Variants in ARMH1 observed in about 807,000 individuals in gnomAD.
ARMH1 encodes armadillo like helical domain containing 1.
In ARMH1, 34 loss-of-function variants were observed where a neutral mutation model predicts 50.2. The ratio of observed to expected loss-of-function variants is 0.68; its 90% CI spans 0.51 to 0.90. ARMH1 has a LOEUF of 0.90. ARMH1 is among the 40% of genes least tolerant of loss of function. The pLI, the probability that ARMH1 is intolerant of heterozygous loss-of-function variation, is 0.00. For missense variants in ARMH1, 538 were observed against 553.9 expected (o/e 0.97, Z 0.29); for synonymous variants, 221 against 224.2 (o/e 0.99, Z 0.13).
chr1:44,699,011 G>A (rs769121046), intron 4 of ARMH1, among the ~76,000 whole-genome samples: 86 of 151,306 alleles, frequency 5.7e-4, no homozygotes, highest in African/African-American at 1.8e-3. Flanking sequence ...GGCCAGGCGC[G>A]GTGGCTCACG....
At chr1:44,698,302 A>G in intron 4 of ARMH1, 73 bp downstream of exon 4, 1 of 1,335,826 alleles carries the variant, frequency 7.5e-7, no homozygotes, top group Non-Finnish European at 1.0e-6. Context: ...CACCACTGCT[A>G]TAGGAAAAAC....
chr1:44,702,414 A>G (rs1646123558), intron 5 of ARMH1, among the ~76,000 whole-genome samples: 1 of 152,098 alleles, frequency 6.6e-6, no homozygotes, highest in South Asian at 2.1e-4. Context: ...CTGCCTCTTC[A>G]AAAAAGGGCA....
At chr1:44,676,944 A>G (rs1193691248) in intron 1 of ARMH1, among the ~76,000 whole-genome samples, 6 of 152,222 alleles carry the variant, frequency 3.9e-5, no homozygotes, top group African/African-American at 1.2e-4. Flanking sequence ...TGAAAAAAAG[A>G]CTTCACCAAA....
At chr1:44,721,772 G>C (rs115227519) in intron 6 of ARMH1, 10 of 152,090 alleles carry the variant, frequency 6.6e-5, no homozygotes, top group Middle Eastern at 3.2e-3. Context: ...TCTCTCTTTA[G>C]TAACAGAACA....
chr1:44,714,085 G>A (rs547081151), intron 6 of ARMH1, among the ~76,000 whole-genome samples: 3 of 151,984 alleles, frequency 2.0e-5, no homozygotes, highest in East Asian at 1.9e-4. Flanking sequence ...TGGCTAACAC[G>A]ATGAAACCCT....
At chr1:44,684,202 G>T (rs187366689) in intron 1 of ARMH1, among the ~76,000 whole-genome samples, 7 of 152,248 alleles carry the variant, frequency 4.6e-5, no homozygotes, top group Admixed American at 4.6e-4. Flanking sequence ...TCTTGAAATT[G>T]ACACATTTTG....
intron 6 of ARMH1, among the ~76,000 whole-genome samples, chr1:44,722,968 G>A (rs568808660): frequency 1.3e-5 from 2 of 149,916 alleles, no homozygotes; most frequent in South Asian, 2.1e-4. Context: ...CAGCCTACTC[G>A]GGAGGCTGAG....
At chr1:44,700,045 G>A (rs1645995868) in intron 4 of ARMH1, among the ~76,000 whole-genome samples, 1 of 151,932 alleles carries the variant, frequency 6.6e-6, no homozygotes, top group Non-Finnish European at 1.5e-5. Context: ...GGCCAGGCTG[G>A]TCTCGAACTC....
chr1:44,720,980 T>G (rs1176878708), intron 6 of ARMH1, among the ~76,000 whole-genome samples: 3 of 151,874 alleles, frequency 2.0e-5, no homozygotes, highest in African/African-American at 7.3e-5. Flanking sequence ...GAAGCTGCAG[T>G]GAGCCGAGAT....
chr1:44,720,339 A>G (rs1225800587), intron 6 of ARMH1, among the ~76,000 whole-genome samples: 1 of 152,100 alleles, frequency 6.6e-6, no homozygotes, highest in Non-Finnish European at 1.5e-5. Flanking sequence ...GCCACTGCAG[A>G]GCCTCCTCTG....
At chr1:44,698,251 A>G in intron 4 of ARMH1, 22 bp downstream of exon 4, 1 of 1,541,352 alleles carries the variant, frequency 6.5e-7, no homozygotes, top group Non-Finnish European at 8.8e-7. Flanking sequence ...GTGTGACAAG[A>G]TGTGTCTCCC....
chr1:44,696,372 A>G (rs1253299592), intron 2 of ARMH1, among the ~76,000 whole-genome samples: 1 of 152,194 alleles, frequency 6.6e-6, no homozygotes, highest in African/African-American at 2.4e-5. Flanking sequence ...GAGCTGCAGT[A>G]ATTTCAGCTA....
rs185679965 is a variant in ARMH1 at position 44,681,265 on chromosome 1, G to C, written c.-23+6392G>C. Among the ~76,000 whole-genome samples, 113 of 152,270 alleles carry C rather than the reference G, an allele frequency of 7.4e-4. No individual in the cohort carries two copies. The highest frequency in any genetic ancestry group is 2.7e-3 in the African/African-American group (111 of 41,560). ...CTGCCTCAGCCTCCCAAAGTGCTGG[G>C]ATTACAAGCGTGAGCCACTGCGCCC... On this transcript the variant is annotated intron_variant, in intron 1 of 11. Coordinates refer to ENST00000535358, the MANE Select transcript of ARMH1 (RefSeq NM_001145636.2). This position sits in a 1 kb window ranked among gnomAD's most constrained non-coding sequence, Gnocchi z 4.3.
At chr1:44,679,027 G>A (rs1299948082) in intron 1 of ARMH1, among the ~76,000 whole-genome samples, 2 of 152,064 alleles carry the variant, frequency 1.3e-5, no homozygotes, top group Non-Finnish European at 2.9e-5. Context: ...AAGATGGAGA[G>A]GAAATTAAAA....
rs1234313719 is a variant in ARMH1, at chr1:44,721,441, A to G, written c.725-2681A>G. Among the ~76,000 whole-genome samples, 5 of 152,228 alleles carry G rather than the reference A, an allele frequency of 3.3e-5. No individual in the cohort carries two copies. In the South Asian group the frequency reaches 8.3e-4, roughly 25 times the overall value. ...AAAGTCATCACTATAAATTGGAACT[A>G]GCACACTAGAAAGACTCACAAGACT... On this transcript the variant is annotated intron_variant, in intron 6 of 11. Coordinates refer to ENST00000535358, the MANE Select transcript of ARMH1 (RefSeq NM_001145636.2).
At position 44,682,930 on chromosome 1, in the gene ARMH1, G is replaced by A. The variant is rs752786824; in HGVS notation, c.-22-6746G>A. Among the ~76,000 whole-genome samples the A allele has an allele frequency of 1.3e-5, 2 of 152,046 alleles. No homozygotes were observed. The highest frequency in any genetic ancestry group is 6.5e-5 in the Admixed American group (1 of 15,270). On this transcript the variant is annotated intron_variant, in intron 1 of 11. Coordinates refer to ENST00000535358, the MANE Select transcript of ARMH1 (RefSeq NM_001145636.2). The surrounding 1 kb of genome is among the most constrained non-coding windows in gnomAD (Gnocchi z 4.5). ...ACTCCAGCCTGGGTGACAGAGCAAG[G>A]CCCTGTCTCAAAAATAAAAATAAAA...
intron 1 of ARMH1, among the ~76,000 whole-genome samples, chr1:44,685,947 G>T (rs1049668056): frequency 6.6e-6 from 1 of 152,062 alleles, no homozygotes; most frequent in African/African-American, 2.4e-5. Flanking sequence ...TTTCTAACGC[G>T]GAGTTATATA....
intron 4 of ARMH1, among the ~76,000 whole-genome samples, chr1:44,699,671 C>CA (rs1645971826): frequency 6.6e-6 from 1 of 152,012 alleles, no homozygotes; most frequent in South Asian, 2.1e-4. Context: ...TGGCTGGTCT[C>CA]AAACTCATGA....
chr1:44,689,549 T>G lies in ARMH1; in HGVS notation c.-22-127T>G, dbSNP rs148467508. On this transcript the variant is annotated intron_variant, in intron 1 of 11. Transcript: ENST00000535358. Reference sequence around the variant, plus strand: ...GCAGGTGACCAGTTCTAGAGTATATTTTGCGCATAACTACATCCATTTGCA... The same window carrying G: ...GCAGGTGACCAGTTCTAGAGTATATGTTGCGCATAACTACATCCATTTGCA... The G allele has an allele frequency of 1.3e-3, 921 of 704,420 alleles. 8 individuals carry two copies. The African/African-American group carries it at 0.015, about 11-fold the overall frequency. The allele number at this position is 704,420 out of a possible 1,614,324, so 43.6% of individuals were successfully genotyped here. A position where few individuals can be genotyped will look rare whatever the true frequency, so the allele number is the denominator to read the frequency against.
Sources: gnomAD v4.1 joint callset for allele counts (sites outside exome capture counted in the v4.1 genomes callset) on GRCh38, gnomAD v4.1.1 for gene constraint, Gnocchi (gnomAD v3.1) non-coding constraint, MANE v1.5 for transcripts, NCBI Gene and HGNC (gene_info 2026-07-23, HGNC 2026-07-21) for gene names.